The following RALYL variants were observed in gnomAD, a reference collection of about 807,000 sequenced individuals.
RALYL encodes the protein RNA-binding Raly-like protein.
RALYL carries 29 observed loss-of-function variants against 35.1 expected under a neutral mutation model. The observed-to-expected ratio is 0.83, with a 90% CI of 0.61 to 1.13. RALYL has a LOEUF of 1.13. Among genes scored for constraint, RALYL ranks in the 50% most tolerant of loss-of-function variants. The pLI, the probability that RALYL is intolerant of heterozygous loss-of-function variation, is 0.00. For synonymous variants in RALYL, 120 were observed against 127.6 expected (o/e 0.94, Z 0.40); for missense variants, 359 against 360.4 (o/e 1.00, Z 0.03).
intron 1 of RALYL, chr8:84,184,770 G>C: frequency 2.3e-6 from 1 of 442,866 alleles, no homozygotes; most frequent in Non-Finnish European, 4.0e-6. Flanking sequence ...TAAGTTCTCC[G>C]AGGGCCACTT....
At chr8:84,501,333 CTAATT>C (rs1258518760) in intron 1 of RALYL, among the ~76,000 whole-genome samples, 1 of 152,062 alleles carries the variant, frequency 6.6e-6, no homozygotes, top group Non-Finnish European at 1.5e-5. Flanking sequence ...AATTACATAT[CTAATT>C]TAACTTTCCA....
chr8:84,518,887 A>G (rs575992213), intron 1 of RALYL, among the ~76,000 whole-genome samples: 1 of 152,302 alleles, frequency 6.6e-6, no homozygotes, highest in South Asian at 2.1e-4. Context: ...CCTATTAACT[A>G]GGACTGAGTG....
intron 6 of RALYL, among the ~76,000 whole-genome samples, chr8:84,870,923 C>G (rs1233290565): frequency 1.3e-5 from 2 of 152,160 alleles, no homozygotes; most frequent in Non-Finnish European, 2.9e-5. Context: ...GAGGAAACGA[C>G]TTCTACAACT....
chr8:84,238,926 C>G (rs993681624), intron 1 of RALYL, among the ~76,000 whole-genome samples: 1 of 152,122 alleles, frequency 6.6e-6, no homozygotes, highest in South Asian at 2.1e-4. Flanking sequence ...TTTCTTGTTA[C>G]GAGTTTACAA....
intron 7 of RALYL, among the ~76,000 whole-genome samples, chr8:84,887,188 C>T (rs760034219): frequency 1.2e-4 from 19 of 152,260 alleles, no homozygotes; most frequent in African/African-American, 2.6e-4. Flanking sequence ...TTTTCTCAAT[C>T]CTGCTTCCTT....
intron 1 of RALYL, among the ~76,000 whole-genome samples, chr8:84,244,328 C>T (rs1297893484): frequency 1.3e-5 from 2 of 152,124 alleles, no homozygotes; most frequent in East Asian, 3.9e-4. Flanking sequence ...TATTCTTTTC[C>T]CTTAGATAAT....
At chr8:84,537,777 T>C (rs1184733776) in intron 2 of RALYL, among the ~76,000 whole-genome samples, 1 of 152,210 alleles carries the variant, frequency 6.6e-6, no homozygotes, top group African/African-American at 2.4e-5. Flanking sequence ...TAGATTTAAT[T>C]AAACTCATTT....
intron 1 of RALYL, among the ~76,000 whole-genome samples, chr8:84,470,387 A>G (rs1033509806): frequency 2.6e-5 from 4 of 152,116 alleles, no homozygotes; most frequent in African/African-American, 9.7e-5. Flanking sequence ...GTGATCATAT[A>G]GTTTGAAATG....
intron 1 of RALYL, among the ~76,000 whole-genome samples, chr8:84,306,033 G>A (rs768107646): frequency 3.3e-5 from 5 of 151,914 alleles, no homozygotes; most frequent in East Asian, 1.9e-4. Context: ...GCATGGTGGC[G>A]GGCACCTGTA....
intron 1 of RALYL, among the ~76,000 whole-genome samples, chr8:84,207,594 G>T (rs1174013900): frequency 6.6e-6 from 1 of 151,968 alleles, no homozygotes; most frequent in African/African-American, 2.4e-5. Flanking sequence ...TTGGTCAAAG[G>T]TACAGTGTTT....
intron 1 of RALYL, among the ~76,000 whole-genome samples, chr8:84,238,817 T>A (rs1273644689): frequency 6.6e-6 from 1 of 152,142 alleles, no homozygotes; most frequent in East Asian, 1.9e-4. Context: ...ACAGGCATGG[T>A]GGTGGCTGCT....
chr8:84,513,912 A>T (rs1047198703), intron 1 of RALYL, among the ~76,000 whole-genome samples: 1 of 151,894 alleles, frequency 6.6e-6, no homozygotes, highest in Admixed American at 6.6e-5. Flanking sequence ...CCTGGCCAAC[A>T]TGGTGAAACC....
At chr8:84,680,392 A>T (rs1835188079) in intron 2 of RALYL, among the ~76,000 whole-genome samples, 1 of 152,116 alleles carries the variant, frequency 6.6e-6, no homozygotes, top group South Asian at 2.1e-4. Flanking sequence ...GTCAAATGGT[A>T]TTTCTAGTAC....
In RALYL at chr8:84,387,336, A is replaced by G. The variant is rs1205660622; in HGVS notation, c.-23-141963A>G. On this transcript the variant is annotated intron_variant, in intron 1 of 8. Transcript: ENST00000521268. ...TTTTTTTCTTCAAGCATGTTATCAA[A>G]TCTTCTCATCTTGTGGTTTGATTCA... Among the ~76,000 whole-genome samples, 3 of 151,860 alleles carry G rather than the reference A, an allele frequency of 2.0e-5. No individual in the cohort carries two copies. The East Asian group carries it at 5.8e-4, about 30-fold the overall frequency.
intron 2 of RALYL, among the ~76,000 whole-genome samples, chr8:84,686,552 A>G (rs1330856671): frequency 2.0e-5 from 3 of 152,044 alleles, no homozygotes; most frequent in African/African-American, 4.8e-5. Context: ...TTACAGGTGC[A>G]TGCCACCACG....
intron 2 of RALYL, among the ~76,000 whole-genome samples, chr8:84,617,085 G>C (rs941364022): frequency 6.7e-6 from 1 of 150,258 alleles, no homozygotes; most frequent in Non-Finnish European, 1.5e-5. Context: ...GCTCTTTTTT[G>C]GTTCCATATG....
chr8:84,654,269 C>CCATATA (rs1491163130), intron 2 of RALYL, among the ~76,000 whole-genome samples: 2 of 29,376 alleles, frequency 6.8e-5, no homozygotes, highest in Non-Finnish European at 1.6e-4. Context: ...ATCTCATGTT[C>CCATATA]CATATATATA....
intron 1 of RALYL, among the ~76,000 whole-genome samples, chr8:84,223,527 A>C (rs975753657): frequency 6.6e-6 from 1 of 152,174 alleles, no homozygotes; most frequent in Non-Finnish European, 1.5e-5. Context: ...ATGCAGAAAG[A>C]ATGCCAAATA....
intron 5 of RALYL, among the ~76,000 whole-genome samples, chr8:84,861,282 A>G (rs1206699404): frequency 6.6e-6 from 1 of 152,202 alleles, no homozygotes; most frequent in Non-Finnish European, 1.5e-5. Context: ...AGTCATGAAA[A>G]TGAGGAAATG....
Sources: allele counts gnomAD v4.1 joint callset (sites outside exome capture counted in the v4.1 genomes callset), GRCh38; gene constraint gnomAD v4.1.1; transcripts MANE v1.5; gene names NCBI Gene and HGNC (gene_info 2026-07-23, HGNC 2026-07-21).